Variants in DNAJC3 observed in about 807,000 individuals in gnomAD.
DNAJC3 encodes DnaJ heat shock protein family (Hsp40) member C3.
DNAJC3 carries 38 observed loss-of-function variants against 68.6 expected under a neutral mutation model. The ratio of observed to expected loss-of-function variants is 0.55; its 90% CI spans 0.43 to 0.73. DNAJC3 has a LOEUF of 0.73. DNAJC3 is among the 30% of genes least tolerant of loss of function. The pLI is 0.00. For synonymous variants in DNAJC3, 203 were observed against 204.0 expected, an observed-to-expected ratio of 1.00 and a Z score of 0.04; for missense variants, 526 against 591.9, an observed-to-expected ratio of 0.89 and a Z score of 1.16.
chr13:95,779,164 G>T (rs1375785945), intron 9 of DNAJC3, among the ~76,000 whole-genome samples: 6 of 115,824 alleles, frequency 5.2e-5, no homozygotes, highest in African/African-American at 1.0e-4. Context: ...TCACTCTGTC[G>T]CCCAGGCTGG....
At chr13:95,754,180 A>G (rs73554904) in intron 4 of DNAJC3, among the ~76,000 whole-genome samples, 4,957 of 152,278 alleles carry the variant, frequency 0.033, 272 homozygotes, top group African/African-American at 0.11. Context: ...ATGGGCTGCA[A>G]TAGTAGCTGA....
intron 1 of DNAJC3, among the ~76,000 whole-genome samples, chr13:95,698,586 C>G (rs1880509652): frequency 1.3e-5 from 2 of 152,338 alleles, no homozygotes; most frequent in East Asian, 1.9e-4. Context: ...GCTCGTGACT[C>G]TCAGTGCAGA....
intron 1 of DNAJC3, among the ~76,000 whole-genome samples, chr13:95,697,158 T>C (rs1284821073): frequency 6.6e-6 from 1 of 152,252 alleles, no homozygotes; most frequent in Non-Finnish European, 1.5e-5. Context: ...ATGGCAAACA[T>C]CATCCTTTTG....
chr13:95,695,290 A>C (rs1286537003), intron 1 of DNAJC3: 4 of 151,928 alleles, frequency 2.6e-5, no homozygotes, highest in Non-Finnish European at 5.9e-5. Context: ...CCTTCTAATA[A>C]CTCTAGTATT....
chr13:95,776,700 T>C (rs1883301731), intron 9 of DNAJC3, among the ~76,000 whole-genome samples: 1 of 152,242 alleles, frequency 6.6e-6, no homozygotes, highest in South Asian at 2.1e-4. Flanking sequence ...ATTAGTTTCC[T>C]ACTGTGAGGG....
At chr13:95,702,476 A>G (rs1880611388) in intron 1 of DNAJC3, among the ~76,000 whole-genome samples, 1 of 152,210 alleles carries the variant, frequency 6.6e-6, no homozygotes, top group African/African-American at 2.4e-5. Flanking sequence ...CCCCCAATTC[A>G]TATGTTGAAA....
intron 6 of DNAJC3, 98 bp downstream of exon 6, chr13:95,760,319 A>T (rs573743618): frequency 9.0e-7 from 1 of 1,109,402 alleles, no homozygotes; most frequent in Non-Finnish European, 1.2e-6. Flanking sequence ...TAATAAGATG[A>T]TGGTAGTTAA....
At position 95,716,009 on chromosome 13, in the gene DNAJC3, T is replaced by C. The variant is rs527254721; in HGVS notation, c.193+6672T>C. Reference sequence around the variant, plus strand: ...TCCTCTCTACTAAAAATACAAAAAGTTAACCGGGCGTGGTGGCAGGTGCCT... The same window carrying C: ...TCCTCTCTACTAAAAATACAAAAAGCTAACCGGGCGTGGTGGCAGGTGCCT... On this transcript the variant is annotated intron_variant, in intron 2 of 11. Transcript: ENST00000602402. Among the ~76,000 whole-genome samples, 10 of 150,860 alleles carry C rather than the reference T, an allele frequency of 6.6e-5. No homozygotes were observed. In the East Asian group the frequency reaches 1.8e-3, roughly 27 times the overall value.
intron 2 of DNAJC3, among the ~76,000 whole-genome samples, chr13:95,718,764 T>A (rs536559848): frequency 6.6e-6 from 1 of 152,272 alleles, no homozygotes; most frequent in African/African-American, 2.4e-5. Context: ...GACAAAAAAA[T>A]TCAGTTTCTC....
In DNAJC3 at chr13:95,677,324, T is replaced by G; in HGVS notation, c.69T>G (p.Asp23Glu). 6.3e-7 allele frequency: 1 copy of G among 1,598,788 alleles called. No individual in the cohort carries two copies. Among genetic ancestry groups the G allele is most frequent in the Non-Finnish European group, 8.5e-7 (1 of 1,174,100 alleles). The change falls in exon 1 of 12, where the codon GAT (aspartate) becomes GAG (glutamate). Residue 23 changes from aspartate to glutamate, a missense_variant. Physicochemically the swap from Asp to Glu is conservative, Grantham distance 45. Coordinates refer to ENST00000602402, the MANE Select transcript of DNAJC3 (RefSeq NM_006260.5). ...TCCCCTTCCTGCTAGTCCTGGTGGA[T>G]CTGCAGTACGAAGGTGAGTCCTGCC... is the stretch of plus-strand genomic sequence containing the variant. ...SVFPFLLVLV[D>E]LQYEGAECGV...
At chr13:95,748,705 A>T (rs1347832031) in intron 4 of DNAJC3, among the ~76,000 whole-genome samples, 1 of 152,172 alleles carries the variant, frequency 6.6e-6, no homozygotes, top group Non-Finnish European at 1.5e-5. Context: ...AATCCCAGCT[A>T]CTCAGGAAGC....
At chr13:95,681,777 T>G (rs1321576648) in intron 1 of DNAJC3, among the ~76,000 whole-genome samples, 1 of 152,226 alleles carries the variant, frequency 6.6e-6, no homozygotes, top group Non-Finnish European at 1.5e-5. Flanking sequence ...TTTCCTCCTT[T>G]CTGAAGCCTC....
intron 9 of DNAJC3, among the ~76,000 whole-genome samples, chr13:95,784,814 G>C (rs778569350): frequency 3.0e-4 from 45 of 152,176 alleles, no homozygotes; most frequent in Admixed American, 7.9e-4. Context: ...TATTTTCTAA[G>C]TATTTAAAAT....
At chr13:95,732,297 A>C (rs1881740477) in intron 4 of DNAJC3, among the ~76,000 whole-genome samples, 1 of 152,142 alleles carries the variant, frequency 6.6e-6, no homozygotes, top group Non-Finnish European at 1.5e-5. Context: ...CAATGAATCC[A>C]TCCAGTCCTG....
intron 2 of DNAJC3, among the ~76,000 whole-genome samples, chr13:95,710,633 G>A (rs1360099864): frequency 1.3e-5 from 2 of 152,132 alleles, no homozygotes; most frequent in Non-Finnish European, 2.9e-5. Context: ...GAATGGTTGA[G>A]AGTGTGTAGT....
chr13:95,688,019 T>A (rs1880114794), intron 1 of DNAJC3, among the ~76,000 whole-genome samples: 1 of 152,210 alleles, frequency 6.6e-6, no homozygotes, highest in Admixed American at 6.5e-5. Flanking sequence ...TTCCTAGGTA[T>A]TTTACTTTTT....
chr13:95,757,564 A>G, intron 4 of DNAJC3, 80 bp from the exon 5 acceptor site: 1 of 1,330,130 alleles, frequency 7.5e-7, no homozygotes, highest in Admixed American at 2.6e-5. Context: ...AAGTATTTGG[A>G]ATGGTTTACC....
chr13:95,707,870 A>T (rs1328499657), intron 1 of DNAJC3, among the ~76,000 whole-genome samples: 1 of 152,076 alleles, frequency 6.6e-6, no homozygotes, highest in Non-Finnish European at 1.5e-5. Flanking sequence ...GCTGGTGGAG[A>T]AGATTGCTGT....
intron 9 of DNAJC3, among the ~76,000 whole-genome samples, chr13:95,767,156 G>A (rs972980525): frequency 6.6e-6 from 1 of 152,076 alleles, no homozygotes; most frequent in Non-Finnish European, 1.5e-5. Context: ...TCTGATCTCT[G>A]TATCCCTTAA....
Sources: allele counts gnomAD v4.1 joint callset (sites outside exome capture counted in the v4.1 genomes callset), GRCh38; gene constraint gnomAD v4.1.1; transcripts MANE v1.5; gene names NCBI Gene and HGNC (gene_info 2026-07-23, HGNC 2026-07-21).